The following SH3YL1 variants were observed in gnomAD, a reference collection of about 807,000 sequenced individuals.
The protein encoded by SH3YL1 is SH3 and SYLF domain containing 1.
In SH3YL1, 41 loss-of-function variants were observed where a neutral mutation model predicts 45.8. That is an observed-to-expected ratio of 0.89 (90% CI 0.70 to 1.16). SH3YL1 has a LOEUF of 1.16. Among genes scored for constraint, SH3YL1 ranks in the 50% most tolerant of loss-of-function variants. The pLI is 0.00. For synonymous variants in SH3YL1, 152 were observed against 151.4 expected (o/e 1.00, Z -0.03); for missense variants, 389 against 409.6 (o/e 0.95, Z 0.43).
intron 1 of SH3YL1, chr2:261,402 T>C (rs1022133300): frequency 6.6e-6 from 1 of 152,188 alleles, no homozygotes; most frequent in Non-Finnish European, 1.5e-5. Context: ...TCTATAAATA[T>C]TTAAGTTTTT....
intron 1 of SH3YL1, chr2:259,302 A>G (rs1669488902): frequency 6.6e-6 from 1 of 152,134 alleles, no homozygotes; most frequent in Non-Finnish European, 1.5e-5. Flanking sequence ...CACTCTCTCT[A>G]TCAAAGGTTT....
Position 222,120 on chromosome 2 carries a change from C to T in SH3YL1, c.838+2744G>A, listed in dbSNP as rs553295147. Among the ~76,000 whole-genome samples the T allele has an allele frequency of 1.1e-4, 16 of 152,132 alleles. No individual in the cohort carries two copies. The East Asian group carries it at 1.2e-3, about 11-fold the overall frequency. ...TTCTGCACAGCATATGCCTTTCAGC[C>T]TTATACTCATGTACTTAAAAAATCG... is the stretch of plus-strand genomic sequence containing the variant. On this transcript the variant is annotated intron_variant, in intron 9 of 9. Coordinates refer to ENST00000356150, the MANE Select transcript of SH3YL1 (RefSeq NM_015677.4).
chr2:253,172 TTTA>T lies in SH3YL1; in HGVS notation c.2-60_2-58del, dbSNP rs1572176556. 8 of 959,776 alleles carry T rather than the reference TTTA, an allele frequency of 8.3e-6. No homozygotes were observed. The East Asian group carries it at 1.6e-4, about 19-fold the overall frequency. 59.5% of individuals were successfully genotyped at this position (959,776 alleles called of 1,614,324 possible). ...AATTCTGCTAAATAGAAGTGAGAAATTTATTATTATTTCATTCTTCTCATATAC... is the reference window on the plus strand; with the variant it reads ...AATTCTGCTAAATAGAAGTGAGAAATTTATTATTTCATTCTTCTCATATAC... On this transcript the variant is annotated intron_variant, in intron 1 of 9. Transcript: ENST00000356150.
chr2:228,167 G>A (rs1199792231), intron 8 of SH3YL1, among the ~76,000 whole-genome samples: 1 of 152,176 alleles, frequency 6.6e-6, no homozygotes, highest in Admixed American at 6.5e-5. Flanking sequence ...TGTGTCGAGT[G>A]AGGCTGAGGC....
chr2:251,908 T>C (rs1029044656), intron 2 of SH3YL1, among the ~76,000 whole-genome samples: 1 of 152,220 alleles, frequency 6.6e-6, no homozygotes, highest in Non-Finnish European at 1.5e-5. Flanking sequence ...ACTTTATCTC[T>C]TTAATGCAGG....
chr2:248,087 C>T (rs1572170915), intron 3 of SH3YL1, among the ~76,000 whole-genome samples: 1 of 152,332 alleles, frequency 6.6e-6, no homozygotes, highest in South Asian at 2.1e-4. Flanking sequence ...TTTAACACCT[C>T]TCGTGCTTAA....
chr2:230,703 T>C (rs902487196), intron 7 of SH3YL1: 2 of 305,768 alleles, frequency 6.5e-6, no homozygotes, highest in African/African-American at 2.2e-5. Flanking sequence ...GAGAGGGGGT[T>C]TTGCCATGTT....
At chr2:242,826 A>C in intron 4 of SH3YL1, 3 of 1,534,248 alleles carry the variant, frequency 2.0e-6, no homozygotes, top group Non-Finnish European at 2.6e-6. Context: ...AGGATGGAGA[A>C]AGATGTGTCA....
At chr2:261,557 A>G (rs967167641) in intron 1 of SH3YL1, among the ~76,000 whole-genome samples, 3 of 152,256 alleles carry the variant, frequency 2.0e-5, no homozygotes, top group Non-Finnish European at 4.4e-5. Context: ...CCGGAAAGAC[A>G]ATTTTTACTT....
In SH3YL1 at chr2:218,860, A is replaced by C; in HGVS notation, c.980T>G (p.Leu327Arg). 6.2e-7 allele frequency: 1 copy of C among 1,614,078 alleles called. No individual in the cohort carries two copies. Among genetic ancestry groups the C allele is most frequent in the Non-Finnish European group, 8.5e-7 (1 of 1,179,954 alleles). The stretch of plus-strand genomic sequence containing the variant: ...TGGAAAAATGCCAGTTTGACCTCGA[A>C]GTTTTCCTTCCCACCAATCAAAATG... ...DSHFDWWEGK[L>R]RGQTGIFPAN... The change falls in exon 10 of 10, where the codon CTT becomes CGT. Residue 327 changes from leucine (L) to arginine (R), a missense_variant. Transcript: ENST00000356150.
chr2:230,846 C>A, intron 7 of SH3YL1, 177 bp downstream of exon 7: 1 of 613,940 alleles, frequency 1.6e-6, no homozygotes, highest in Non-Finnish European at 2.9e-6. Context: ...TTATGTTTTT[C>A]CCTGAAATCT....
chr2:258,541 T>G (rs995240678), intron 1 of SH3YL1, among the ~76,000 whole-genome samples: 6 of 152,226 alleles, frequency 3.9e-5, no homozygotes, highest in Non-Finnish European at 8.8e-5. Context: ...GATATTACCA[T>G]GTTGAGTGCC....
rs1201123703 is a variant in SH3YL1 at position 229,468 on chromosome 2, G to T, written c.781+498C>A. Among the ~76,000 whole-genome samples the T allele has an allele frequency of 1.6e-4, 24 of 152,010 alleles. 1 individual carries two copies. The highest frequency in any genetic ancestry group is 1.4e-3 in the Admixed American group (22 of 15,270). On this transcript the variant is annotated intron_variant, in intron 8 of 9. Transcript: ENST00000356150. ...TTATGGGCCGGGCACGGTGGCTCAC[G>T]CCTGTAATCCCAGCACTTTGGGAGG...
chr2:238,106 C>T (rs1030420838), intron 4 of SH3YL1, among the ~76,000 whole-genome samples: 2 of 152,140 alleles, frequency 1.3e-5, no homozygotes, highest in African/African-American at 4.8e-5. Context: ...CTGCTGTCAG[C>T]CTTCAAGCCC....
At chr2:236,626 C>CTTG (rs1185589935) in intron 4 of SH3YL1, among the ~76,000 whole-genome samples, 4 of 152,188 alleles carry the variant, frequency 2.6e-5, no homozygotes, top group Non-Finnish European at 4.4e-5. Context: ...TAGTGGCACA[C>CTTG]ATTCAAGGCT....
intron 8 of SH3YL1, among the ~76,000 whole-genome samples, chr2:227,973 A>C (rs1667858704): frequency 6.6e-6 from 1 of 152,216 alleles, no homozygotes; most frequent in Non-Finnish European, 1.5e-5. Flanking sequence ...AAAAGGTCAG[A>C]TTTAACATAA....
intron 9 of SH3YL1, among the ~76,000 whole-genome samples, chr2:219,582 T>C (rs1373877004): frequency 6.6e-6 from 1 of 152,110 alleles, no homozygotes; most frequent in Non-Finnish European, 1.5e-5. Context: ...GAAATAAAAT[T>C]CCATTGTCTA....
chr2:247,611 A>T lies in SH3YL1; in HGVS notation c.227-9T>A, dbSNP rs979570908. 2.6e-5 allele frequency: 41 copies of T among 1,548,498 alleles called. No individual in the cohort carries two copies. Among genetic ancestry groups the T allele is most frequent in the Non-Finnish European group, 3.5e-5 (40 of 1,145,898 alleles). ...TGAGGGTGCAGACCATTCTAATAAA[A>T]AAACAAACGAACGTTATCCTAACAT... On this transcript the variant is annotated splice_polypyrimidine_tract_variant and intron_variant, in intron 3 of 9. Transcript: ENST00000356150.
intron 1 of SH3YL1, chr2:262,374 G>A (rs1572186534): frequency 3.5e-6 from 1 of 282,184 alleles, no homozygotes; most frequent in East Asian, 9.6e-5. Context: ...CCCAACCCCA[G>A]GCTGTGGCTG....
Sources: gnomAD v4.1 joint callset for allele counts (sites outside exome capture counted in the v4.1 genomes callset) on GRCh38, gnomAD v4.1.1 for gene constraint, MANE v1.5 for transcripts, NCBI Gene and HGNC (gene_info 2026-07-23, HGNC 2026-07-21) for gene names.